Variants in NAALADL2 observed in about 807,000 individuals in gnomAD.
NAALADL2 encodes inactive N-acetylated-alpha-linked acidic dipeptidase-like protein 2.
NAALADL2 carries 76 observed loss-of-function variants against 87.2 expected under a neutral mutation model. That is an observed-to-expected ratio of 0.87 (90% CI 0.72 to 1.05). The LOEUF is 1.05. Among genes scored for constraint, NAALADL2 ranks in the 50% least tolerant of loss-of-function variants. The pLI is 0.00. For missense variants in NAALADL2, 1,089 were observed against 945.8 expected (o/e 1.15, Z -1.99); for synonymous variants, 354 against 331.0 (o/e 1.07, Z -0.75).
At chr3:175,587,106 C>T (rs1720647480) in intron 10 of NAALADL2, among the ~76,000 whole-genome samples, 1 of 152,176 alleles carries the variant, frequency 6.6e-6, no homozygotes, top group African/African-American at 2.4e-5. Context: ...TGGACTGACA[C>T]CAACACTCAT....
rs565680590 is a variant in NAALADL2, at chr3:174,614,519, C to T, written c.-115+63882C>T. 2.0e-5 allele frequency among the ~76,000 whole-genome samples: 3 copies of T among 152,218 alleles called. No individual in the cohort carries two copies. The East Asian group carries it at 5.8e-4, about 29-fold the overall frequency. ...AGTGTCTCACCATTTTTGTGCTCTC[C>T]CTTTCCCATGCACTCAGATTTTCTC... On this transcript the variant is annotated intron_variant, in intron 2 of 3. Coordinates refer to the NAALADL2 transcript ENST00000434257.
At chr3:174,729,748 T>A (rs1354772810) in intron 2 of NAALADL2, among the ~76,000 whole-genome samples, 3 of 152,022 alleles carry the variant, frequency 2.0e-5, no homozygotes, top group Non-Finnish European at 4.4e-5. Context: ...TCATTCCTCT[T>A]GTTTTGAAAA....
At chr3:174,800,064 T>G (rs1718634166) in intron 3 of NAALADL2, among the ~76,000 whole-genome samples, 1 of 152,108 alleles carries the variant, frequency 6.6e-6, no homozygotes. Flanking sequence ...TTAAAGGCAT[T>G]CAGTTTTAAA....
intron 2 of NAALADL2, among the ~76,000 whole-genome samples, chr3:174,691,380 C>T (rs947291572): frequency 6.6e-6 from 1 of 151,730 alleles, no homozygotes; most frequent in Non-Finnish European, 1.5e-5. Flanking sequence ...CCACTGCACT[C>T]TGGCCTGGGT....
intron 1 of NAALADL2, among the ~76,000 whole-genome samples, chr3:174,979,441 G>A (rs897965728): frequency 1.3e-5 from 2 of 151,406 alleles, no homozygotes; most frequent in Non-Finnish European, 2.9e-5. Context: ...AAGTAGCTGG[G>A]ACTACAGGCT....
chr3:174,577,639 A>G (rs1715678030), intron 2 of NAALADL2, among the ~76,000 whole-genome samples: 1 of 152,154 alleles, frequency 6.6e-6, no homozygotes, highest in Non-Finnish European at 1.5e-5. Context: ...TAGCCAAGTT[A>G]ACTATCTACT....
chr3:175,660,959 G>C (rs1732164140), intron 11 of NAALADL2, among the ~76,000 whole-genome samples: 1 of 152,018 alleles, frequency 6.6e-6, no homozygotes, highest in Non-Finnish European at 1.5e-5. Context: ...CAATAAACAT[G>C]ACGGTGCAGA....
chr3:174,742,816 A>G (rs762297674), intron 3 of NAALADL2, among the ~76,000 whole-genome samples: 23 of 151,648 alleles, frequency 1.5e-4, no homozygotes, highest in Admixed American at 9.9e-4. Context: ...AATTTTTAAG[A>G]TAGACAAATA....
intron 2 of NAALADL2, among the ~76,000 whole-genome samples, chr3:174,642,595 A>G (rs1165298688): frequency 6.6e-6 from 1 of 151,342 alleles, no homozygotes; most frequent in African/African-American, 2.4e-5. Context: ...TGCACAGTGT[A>G]CACTACTAGC....
intron 2 of NAALADL2, among the ~76,000 whole-genome samples, chr3:174,600,957 T>C (rs1718392802): frequency 6.6e-6 from 1 of 152,188 alleles, no homozygotes; most frequent in Non-Finnish European, 1.5e-5. Flanking sequence ...TCAGTAGGTA[T>C]ATTTATTTAT....
intron 9 of NAALADL2, among the ~76,000 whole-genome samples, chr3:175,522,233 T>G (rs1267680149): frequency 6.6e-6 from 1 of 152,230 alleles, no homozygotes; most frequent in East Asian, 1.9e-4. Context: ...ATTGATTTAC[T>G]ATTCTTCACT....
chr3:175,484,330 G>A (rs1030348964), intron 9 of NAALADL2, among the ~76,000 whole-genome samples: 7 of 151,986 alleles, frequency 4.6e-5, no homozygotes, highest in Admixed American at 1.3e-4. Context: ...TCTCTTAAAA[G>A]AAATAATTAT....
intron 5 of NAALADL2, among the ~76,000 whole-genome samples, chr3:175,358,270 C>G (rs115170148): frequency 0.017 from 2,604 of 151,966 alleles, 77 homozygotes; most frequent in African/African-American, 0.058. Context: ...TCTTATTTAT[C>G]CTTATAACTT....
chr3:174,967,337 T>C (rs967254062), intron 1 of NAALADL2, among the ~76,000 whole-genome samples: 1 of 148,208 alleles, frequency 6.7e-6, no homozygotes, highest in African/African-American at 2.5e-5. Flanking sequence ...TATGCAAGTG[T>C]AGGGAATATC....
At position 175,256,452 on chromosome 3, in the gene NAALADL2, A is replaced by G; in HGVS notation, c.861A>G (p.Leu287=). 4 of 1,610,894 alleles carry G rather than the reference A, an allele frequency of 2.5e-6. No individual in the cohort carries two copies. The highest frequency in any genetic ancestry group is 3.4e-6 in the Non-Finnish European group (4 of 1,178,442). The part of the protein sequence containing the change: ...IDVSYGMADD[L]KRIRKIKNVT... ...TGAGTTATGGAATGGCAGATGATTT[A>G]AAAAGGATTAGGAAAATAAAAAACG... Residue 287 remains leucine (L), a synonymous_variant, in exon 4 of 14, where the codon TTA becomes TTG. Transcript: ENST00000454872.
intron 9 of NAALADL2, among the ~76,000 whole-genome samples, chr3:175,514,785 G>C (rs1221658772): frequency 6.6e-6 from 1 of 152,186 alleles, no homozygotes; most frequent in Non-Finnish European, 1.5e-5. Context: ...ATATAAATGA[G>C]AAGTGGAGTT....
rs369747346 is a variant in NAALADL2 at position 175,219,545 on chromosome 3, G to A, written c.546-14386G>A. Among the ~76,000 whole-genome samples, 26 of 152,152 alleles carry A rather than the reference G, an allele frequency of 1.7e-4. No homozygotes were observed. The East Asian group carries it at 1.9e-3, about 11-fold the overall frequency. ...TTTTAATTTCAGTGAAATCCAGTTT[G>A]TCAGTTTTGTCTTCCTCGTTAGCGG... On this transcript the variant is annotated intron_variant, in intron 2 of 13. Transcript: ENST00000454872.
chr3:174,759,423 G>A (rs1368732867), intron 3 of NAALADL2, among the ~76,000 whole-genome samples: 2 of 152,156 alleles, frequency 1.3e-5, no homozygotes, highest in East Asian at 3.9e-4. Flanking sequence ...TGAACATGGT[G>A]CATTGCCTTA....
chr3:174,555,711 C>A (rs1280622716), intron 2 of NAALADL2, among the ~76,000 whole-genome samples: 2 of 152,164 alleles, frequency 1.3e-5, no homozygotes, highest in East Asian at 3.9e-4. Context: ...TGTTCAGATT[C>A]TTCTTGGCCT....
Sources: gnomAD v4.1 joint callset for allele counts (sites outside exome capture counted in the v4.1 genomes callset) on GRCh38, gnomAD v4.1.1 for gene constraint, MANE v1.5 for transcripts, NCBI Gene and HGNC (gene_info 2026-07-23, HGNC 2026-07-21) for gene names.